The following SLC12A7 variants were observed in gnomAD, a reference collection of about 807,000 sequenced individuals.
SLC12A7 encodes solute carrier family 12 member 7.
In SLC12A7, 100 loss-of-function variants were observed where a neutral mutation model predicts 120.6. That is an observed-to-expected ratio of 0.83 (90% confidence interval 0.71 to 0.98). SLC12A7 has a LOEUF of 0.98. SLC12A7 is among the 50% of genes least tolerant of loss of function. The pLI is 0.00. For synonymous variants in SLC12A7, 760 were observed against 678.0 expected, an observed-to-expected ratio of 1.12 and a Z score of -1.88; for missense variants, 1,373 against 1,548.1, an observed-to-expected ratio of 0.89 and a Z score of 1.90.
rs532247926 is a variant in SLC12A7 at position 1,055,435 on chromosome 5, G to A, written c.3027-1953C>T. Among the ~76,000 whole-genome samples the A allele has an allele frequency of 8.5e-5, 13 of 152,318 alleles. No individual in the cohort carries two copies. The East Asian group carries it at 1.2e-3, about 14-fold the overall frequency. On this transcript the variant is annotated intron_variant, in intron 22 of 23. Coordinates refer to ENST00000264930, the MANE Select transcript of SLC12A7 (RefSeq NM_006598.3). ...TCCCGGGGACGTCACAGTAAGCCAC[G>A]CACATCTCACGCCCGCACTGCCCAG...
chr5:1,140,012 C>T, the SLC12A7 span, among the ~76,000 whole-genome samples: 6 of 152,304 alleles, frequency 3.9e-5, 1 homozygote, highest in South Asian at 1.0e-3. Context: ...AGGACACGCC[C>T]GGCCTGCACC....
At chr5:1,137,858 C>T in the SLC12A7 span, among the ~76,000 whole-genome samples, 259 of 152,332 alleles carry the variant, frequency 1.7e-3, 1 homozygote, top group African/African-American at 5.6e-3. Context: ...CGGGGCCTGG[C>T]GCACTGTGAG....
chr5:1,083,430 C>G (rs571377153), intron 8 of SLC12A7, among the ~76,000 whole-genome samples: 2 of 152,228 alleles, frequency 1.3e-5, no homozygotes, highest in African/African-American at 4.8e-5. Context: ...TACCGCCCAG[C>G]TACCACTCCC....
chr5:1,060,489 A>G, intron 20 of SLC12A7, 38 bp from the exon 21 acceptor site: 3 of 1,499,350 alleles, frequency 2.0e-6, no homozygotes, highest in South Asian at 1.1e-5. Flanking sequence ...CCCGGTGTGC[A>G]CAGAACCACG....
In SLC12A7 at chr5:1,087,028, C is replaced by T. The variant is rs768728700; in HGVS notation, c.550G>A (p.Gly184Arg). 6.2e-7 allele frequency: 1 copy of T among 1,610,916 alleles called. No individual in the cohort carries two copies. Among genetic ancestry groups the T allele is most frequent in the Non-Finnish European group, 8.5e-7 (1 of 1,178,846 alleles). ...GAGCGCGATATCATGTAGTAGGACC[C>T]GCCAGCTGCGGAGACAAAGGCGGCA... ...IATNGVVPAGGSYYMISRSLG... is the reference protein window; with the variant it reads ...IATNGVVPAGRSYYMISRSLG... Residue 184 changes from glycine to arginine, a missense_variant, in exon 6 of 24, where the codon GGG (glycine) becomes AGG (arginine). Gly to Arg is a moderately radical substitution (Grantham distance 125). Coordinates refer to ENST00000264930, the MANE Select transcript of SLC12A7 (RefSeq NM_006598.3).
At chr5:1,131,821 C>G in the SLC12A7 span, among the ~76,000 whole-genome samples, 1 of 152,334 alleles carries the variant, frequency 6.6e-6, no homozygotes, top group Middle Eastern at 3.4e-3. Context: ...CAAGGTGATC[C>G]TCCTGGGAGG....
the SLC12A7 span, among the ~76,000 whole-genome samples, chr5:1,149,375 G>A: frequency 2.6e-5 from 4 of 152,028 alleles, no homozygotes; most frequent in East Asian, 1.9e-4. Flanking sequence ...TCAGGAGTTC[G>A]AGACCAGCCT....
At chr5:1,138,597 A>G in the SLC12A7 span, among the ~76,000 whole-genome samples, 1 of 152,150 alleles carries the variant, frequency 6.6e-6, no homozygotes, top group African/African-American at 2.4e-5. Flanking sequence ...GCCCGCTCAC[A>G]TAAACTGGGG....
intron 1 of SLC12A7, among the ~76,000 whole-genome samples, chr5:1,098,895 G>A (rs974568834): frequency 2.0e-5 from 3 of 151,812 alleles, no homozygotes; most frequent in East Asian, 1.9e-4. Context: ...TCCTCTGGCC[G>A]AGCCCTGCCT....
chr5:1,061,027 A>G (rs1330006147), intron 20 of SLC12A7, among the ~76,000 whole-genome samples: 1 of 142,734 alleles, frequency 7.0e-6, no homozygotes, highest in Non-Finnish European at 1.5e-5. Flanking sequence ...CACCCGCCGC[A>G]CCCGCCGTGC....
the SLC12A7 span, among the ~76,000 whole-genome samples, chr5:1,135,058 C>T: frequency 6.6e-6 from 1 of 151,386 alleles, no homozygotes; most frequent in African/African-American, 2.4e-5. Flanking sequence ...ACCCGGGAGG[C>T]AGAGGCTGCA....
Position 1,074,555 on chromosome 5 carries a change from G to A in SLC12A7, c.2072+12C>T, listed in dbSNP as rs779901303. 1 of 1,608,134 alleles carries A rather than the reference G, an allele frequency of 6.2e-7. No individual in the cohort carries two copies. Among genetic ancestry groups the A allele is most frequent in the South Asian group, 1.1e-5 (1 of 90,768 alleles). Reference sequence around the variant, plus strand: ...GTGCGTCTGAGGACCACGGGGCATGGGCGGTGCTCACCTCCAGTTCTTGGT... The same window carrying A: ...GTGCGTCTGAGGACCACGGGGCATGAGCGGTGCTCACCTCCAGTTCTTGGT... On this transcript the variant is annotated intron_variant, in intron 16 of 23. Coordinates refer to ENST00000264930, the MANE Select transcript of SLC12A7 (RefSeq NM_006598.3).
At chr5:1,122,828 A>G in the SLC12A7 span, among the ~76,000 whole-genome samples, 3 of 152,278 alleles carry the variant, frequency 2.0e-5, no homozygotes, top group African/African-American at 7.2e-5. Flanking sequence ...GCTGATGGAC[A>G]CGAGGGTTGC....
chr5:1,149,591 T>A, the SLC12A7 span, among the ~76,000 whole-genome samples: 107,573 of 151,736 alleles, frequency 0.71, 38,279 homozygotes, highest in South Asian at 0.8. Flanking sequence ...ACAAATAAAT[T>A]AAAAAAAATA....
chr5:1,109,366 C>T (rs192384802), intron 1 of SLC12A7, among the ~76,000 whole-genome samples: 139 of 152,332 alleles, frequency 9.1e-4, no homozygotes, highest in Admixed American at 3.5e-3. Context: ...AGCCGGCCCC[C>T]AGCAGTGTCC....
the SLC12A7 span, among the ~76,000 whole-genome samples, chr5:1,132,676 T>C: frequency 2.6e-5 from 4 of 152,176 alleles, no homozygotes; most frequent in African/African-American, 4.8e-5. Context: ...CCTGAGATCA[T>C]CCTAATGTCC....
At chr5:1,120,500 C>T in the SLC12A7 span, among the ~76,000 whole-genome samples, 2 of 152,258 alleles carry the variant, frequency 1.3e-5, no homozygotes, top group African/African-American at 2.4e-5. Context: ...TGCTCACAGC[C>T]GCTGTACCTC....
chr5:1,094,044 G>C, intron 2 of SLC12A7, 110 bp downstream of exon 2: 1 of 776,326 alleles, frequency 1.3e-6, no homozygotes, highest in Non-Finnish European at 2.2e-6. Context: ...CCTTCCACGT[G>C]GTGTCCAGTC....
intron 3 of SLC12A7, 35 bp downstream of exon 3, chr5:1,093,498 C>T: frequency 7.8e-7 from 1 of 1,290,126 alleles, no homozygotes; most frequent in Non-Finnish European, 1.1e-6. Flanking sequence ...ACACACGGGG[C>T]GGGGACTGGG....
Sources: allele counts gnomAD v4.1 joint callset (sites outside exome capture counted in the v4.1 genomes callset), GRCh38; gene constraint gnomAD v4.1.1; transcripts MANE v1.5; gene names NCBI Gene and HGNC (gene_info 2026-07-23, HGNC 2026-07-21).